BNC2: variants seen among roughly 807,000 people sequenced by gnomAD.
BNC2 encodes the protein zinc finger protein basonuclin-2.
In BNC2, 20 loss-of-function variants were observed where a neutral mutation model predicts 76.3. The observed-to-expected ratio is 0.26, with a 90% CI of 0.18 to 0.38. The LOEUF is 0.38. BNC2 is among the 10% of genes least tolerant of loss of function. The pLI, the probability that BNC2 is intolerant of heterozygous loss-of-function variation, is 1.00. For missense variants in BNC2, 1,382 were observed against 1,399.8 expected, an observed-to-expected ratio of 0.99 and a Z score of 0.20; for synonymous variants, 582 against 514.8, an observed-to-expected ratio of 1.13 and a Z score of -1.77.
chr9:16,721,665 G>C (rs1824161567), intron 3 of BNC2, among the ~76,000 whole-genome samples: 1 of 152,110 alleles, frequency 6.6e-6, no homozygotes, highest in Admixed American at 6.5e-5. Context: ...AACCTACCGT[G>C]AAAGGAAATC....
intron 1 of BNC2, among the ~76,000 whole-genome samples, chr9:16,810,800 G>A (rs1391653816): frequency 1.3e-5 from 2 of 152,204 alleles, no homozygotes; most frequent in African/African-American, 4.8e-5. Flanking sequence ...TGGGAATGTA[G>A]ACAAGGTGTT....
rs1820503276 is a variant in BNC2 at position 16,412,873 on chromosome 9, T to G, written c.*6116A>C. ...GGGATAAACAGGCAATTACGCATCC[T>G]TTTATATTTGATGGCCAAGTGCTGA... On this transcript the variant is annotated 3_prime_UTR_variant, in exon 7 of 7. Coordinates refer to ENST00000380672, the MANE Select transcript of BNC2 (RefSeq NM_017637.6). The G allele has an allele frequency of 6.6e-6, 1 of 152,640 alleles. No individual in the cohort carries two copies. The highest frequency in any genetic ancestry group is 2.4e-5 in the African/African-American group (1 of 41,452). The allele number at this position is 152,640 out of a possible 1,614,324, so 9.5% of individuals were successfully genotyped here.
At chr9:16,824,616 C>T (rs1283621216) in intron 1 of BNC2, among the ~76,000 whole-genome samples, 1 of 152,178 alleles carries the variant, frequency 6.6e-6, no homozygotes, top group Non-Finnish European at 1.5e-5. Context: ...CGAACCAATG[C>T]TGTCACTTCT....
chr9:16,793,333 T>C (rs1337525782), intron 1 of BNC2, among the ~76,000 whole-genome samples: 1 of 152,168 alleles, frequency 6.6e-6, no homozygotes. Context: ...ATTAAATTAA[T>C]ATAAACCATA....
At chr9:16,576,134 T>C (rs1819478980) in intron 4 of BNC2, among the ~76,000 whole-genome samples, 1 of 152,204 alleles carries the variant, frequency 6.6e-6, no homozygotes, top group Admixed American at 6.5e-5. Context: ...GTGCTACTGT[T>C]CACCAAACCC....
At chr9:16,662,951 GA>G (rs1306523273) in intron 3 of BNC2, among the ~76,000 whole-genome samples, 2 of 151,978 alleles carry the variant, frequency 1.3e-5, no homozygotes, top group African/African-American at 4.8e-5. Context: ...AGTAGCAATA[GA>G]AAAAGGAAAG....
chr9:16,852,648 A>T (rs960647197), intron 1 of BNC2, among the ~76,000 whole-genome samples: 1 of 152,170 alleles, frequency 6.6e-6, no homozygotes, highest in Non-Finnish European at 1.5e-5. Flanking sequence ...TTCAAGCGGC[A>T]GTGTGCTGTG....
rs935188890 is a variant in BNC2 at position 16,678,335 on chromosome 9, G to A, written c.330+49462C>T. On this transcript the variant is annotated intron_variant, in intron 3 of 6. Coordinates refer to ENST00000380672, the MANE Select transcript of BNC2 (RefSeq NM_017637.6). The stretch of plus-strand genomic sequence containing the variant: ...GCTCTGTCGCCCAGGCTGGAGTGCA[G>A]TGGTGCAATCTCGGCTCACTGCAGC... Among the ~76,000 whole-genome samples, 90 of 126,506 alleles carry A rather than the reference G, an allele frequency of 7.1e-4. 1 individual carries two copies. The highest frequency in any genetic ancestry group is 6.0e-4 in the Non-Finnish European group (39 of 64,704). 83.0% of individuals were successfully genotyped at this position (126,506 alleles called of 152,430 possible). A position where few individuals can be genotyped will look rare whatever the true frequency, so the allele number is the denominator to read the frequency against.
intron 5 of BNC2, among the ~76,000 whole-genome samples, chr9:16,533,719 ACTG>A (rs1349133253): frequency 6.6e-6 from 1 of 152,204 alleles, no homozygotes; most frequent in Non-Finnish European, 1.5e-5. Context: ...TTTCAACATT[ACTG>A]CTATTTGTAA....
At chr9:16,478,157 C>A (rs1821967530) in intron 5 of BNC2, among the ~76,000 whole-genome samples, 1 of 152,142 alleles carries the variant, frequency 6.6e-6, no homozygotes. Context: ...GTATAAATTT[C>A]GGTCCTCTGA....
chr9:16,470,296 C>T (rs1821795393), intron 5 of BNC2, among the ~76,000 whole-genome samples: 2 of 152,176 alleles, frequency 1.3e-5, no homozygotes, highest in South Asian at 2.1e-4. Flanking sequence ...CATGCCCAGC[C>T]GGCATTCAGT....
chr9:16,694,259 G>C (rs955506166), intron 3 of BNC2, among the ~76,000 whole-genome samples: 1 of 152,118 alleles, frequency 6.6e-6, no homozygotes, highest in Admixed American at 6.5e-5. Flanking sequence ...TAGGATAGAA[G>C]AATATGTTGT....
At chr9:16,684,618 T>C (rs892352982) in intron 3 of BNC2, among the ~76,000 whole-genome samples, 4 of 152,126 alleles carry the variant, frequency 2.6e-5, no homozygotes, top group East Asian at 1.9e-4. Flanking sequence ...GAGCTCACTA[T>C]GCTCATCTTA....
chr9:16,646,161 T>C (rs1235862549), intron 3 of BNC2, among the ~76,000 whole-genome samples: 1 of 152,178 alleles, frequency 6.6e-6, no homozygotes, highest in Non-Finnish European at 1.5e-5. Context: ...AGGTCACCAT[T>C]CCTTCTGAAG....
chr9:16,623,333 T>C (rs1820914071), intron 3 of BNC2, among the ~76,000 whole-genome samples: 1 of 152,152 alleles, frequency 6.6e-6, no homozygotes, highest in South Asian at 2.1e-4. Flanking sequence ...ATGACGTGTT[T>C]AAAATTCTAA....
At chr9:16,716,817 G>A (rs956613475) in intron 3 of BNC2, among the ~76,000 whole-genome samples, 2 of 152,152 alleles carry the variant, frequency 1.3e-5, no homozygotes, top group Non-Finnish European at 2.9e-5. Flanking sequence ...CCTTCCGAAA[G>A]GAAGCATTTT....
intron 4 of BNC2, among the ~76,000 whole-genome samples, chr9:16,562,115 A>G (rs944657378): frequency 6.6e-6 from 1 of 152,194 alleles, no homozygotes; most frequent in East Asian, 1.9e-4. Context: ...CTATGCTGGA[A>G]TGTTCAGAAT....
chr9:16,749,658 C>A (rs7853541), intron 1 of BNC2, among the ~76,000 whole-genome samples: 130,320 of 151,402 alleles, frequency 0.86, 56,467 homozygotes, highest in Non-Finnish European at 0.91. Context: ...CATGATTGTG[C>A]CACTGCTCTC....
intron 3 of BNC2, among the ~76,000 whole-genome samples, chr9:16,631,855 A>T (rs1821170792): frequency 6.6e-6 from 1 of 152,132 alleles, no homozygotes; most frequent in African/African-American, 2.4e-5. Flanking sequence ...AAAAAGACAG[A>T]ACATAATGAA....
Sources: gnomAD v4.1 joint callset for allele counts (sites outside exome capture counted in the v4.1 genomes callset) on GRCh38, gnomAD v4.1.1 for gene constraint, MANE v1.5 for transcripts, NCBI Gene and HGNC (gene_info 2026-07-23, HGNC 2026-07-21) for gene names.